FAM149A: variants seen among roughly 807,000 people sequenced by gnomAD.
FAM149A encodes family with sequence similarity 149 member A, also known as protein FAM149A.
FAM149A carries 71 observed loss-of-function variants against 78.2 expected under a neutral mutation model. That is an observed-to-expected ratio of 0.91 (90% CI 0.75 to 1.11). The LOEUF is 1.11. FAM149A is among the 50% of genes least tolerant of loss of function. FAM149A has a pLI of 0.00. For missense variants in FAM149A, 1,036 were observed against 971.0 expected (o/e 1.07, Z -0.89); for synonymous variants, 446 against 410.5 (o/e 1.09, Z -1.04).
At chr4:186,127,416 G>A in intron 1 of FAM149A, 2 of 985,408 alleles carry the variant, frequency 2.0e-6, no homozygotes, top group Non-Finnish European at 2.4e-6. Flanking sequence ...GCTTTGTGAT[G>A]ACTGCTTCTG....
chr4:186,140,078 C>A (rs974056228), intron 1 of FAM149A, among the ~76,000 whole-genome samples: 2 of 152,108 alleles, frequency 1.3e-5, no homozygotes, highest in Non-Finnish European at 2.9e-5. Context: ...CTCTAATTCA[C>A]ACAACTCTAC....
chr4:186,147,728 T>G (rs1170249040), intron 1 of FAM149A, among the ~76,000 whole-genome samples: 1 of 152,228 alleles, frequency 6.6e-6, no homozygotes, highest in Non-Finnish European at 1.5e-5. Flanking sequence ...TCATTAGTAT[T>G]TGTATGTTTA....
In FAM149A at chr4:186,172,735, G is replaced by A. The variant is rs556855375; in HGVS notation, c.*748G>A. ...GGGAGGGGAGCCTCCCACCCTCCACGTGCCATCAGGAGCTGGCCTTTGCCC... is the reference window on the plus strand; with the variant it reads ...GGGAGGGGAGCCTCCCACCCTCCACATGCCATCAGGAGCTGGCCTTTGCCC... On this transcript the variant is annotated 3_prime_UTR_variant, in exon 14 of 14. Transcript: ENST00000389354. 9.0e-6 allele frequency: 1 copy of A among 111,658 alleles called. No individual in the cohort carries two copies. The highest frequency in any genetic ancestry group is 2.8e-5 in the African/African-American group (1 of 35,618). 6.9% of individuals were successfully genotyped at this position (111,658 alleles called of 1,614,324 possible).
chr4:186,127,717 C>T, intron 1 of FAM149A: 2 of 915,302 alleles, frequency 2.2e-6, no homozygotes, highest in Non-Finnish European at 1.3e-6. Flanking sequence ...TAGAGTTATG[C>T]TCTTGTCACC....
intron 1 of FAM149A, among the ~76,000 whole-genome samples, chr4:186,128,983 G>T (rs779701106): frequency 5.9e-5 from 9 of 151,706 alleles, no homozygotes; most frequent in Non-Finnish European, 1.2e-4. Context: ...TTTTTGGTGT[G>T]TGTGTGTCCA....
chr4:186,104,754 CGGCGGGCGGCGGGCGTCTGG>C lies in FAM149A; in HGVS notation c.-310_-291del, dbSNP rs1374996512. ...GAACGTAGCAACCGCGGGCGGCGGGCGGCGGGCGGCGGGCGTCTGGGGCGGGCGGCGGCCGCGCTTCCCGG... is the reference window on the plus strand; with the variant it reads ...GAACGTAGCAACCGCGGGCGGCGGGCGGCGGGCGGCGGCCGCGCTTCCCGG... On this transcript the variant is annotated 5_prime_UTR_variant, in exon 1 of 14. Transcript: ENST00000389354. Among the ~76,000 whole-genome samples the C allele has an allele frequency of 9.7e-5, 10 of 103,422 alleles. No homozygotes were observed. Among genetic ancestry groups the C allele is most frequent in the South Asian group, 3.2e-4 (1 of 3,092 alleles). 67.8% of individuals were successfully genotyped at this position (103,422 alleles called of 152,430 possible).
At chr4:186,157,968 G>A (rs751638348) in intron 8 of FAM149A, 118 of 1,512,948 alleles carry the variant, frequency 7.8e-5, no homozygotes, top group Non-Finnish European at 1.0e-4. Flanking sequence ...AGGAGCCCAC[G>A]CAGGCGGCAC....
In FAM149A at chr4:186,153,654, A is replaced by G; in HGVS notation, c.942A>G (p.Gly314=). 1.2e-6 allele frequency: 2 copies of G among 1,614,040 alleles called. No homozygotes were observed. Among genetic ancestry groups the G allele is most frequent in the Non-Finnish European group, 1.7e-6 (2 of 1,179,902 alleles). Residue 314 remains glycine (G), a synonymous_variant, in exon 5 of 14, where the codon GGA becomes GGG. Coordinates refer to ENST00000389354, the MANE Select transcript of FAM149A (RefSeq NM_001367768.3). ...CTCTTTGACCTCGCAGAGTATTAGG[A>G]AGACAGCTGATCCTGCCCACTGACA...
chr4:186,143,403 CACAT>C (rs1233728954), intron 1 of FAM149A, among the ~76,000 whole-genome samples: 3 of 151,402 alleles, frequency 2.0e-5, no homozygotes, highest in African/African-American at 7.3e-5. Flanking sequence ...GATATGTATA[CACAT>C]ACACACACAT....
chr4:186,136,990 C>CTCTCTCTCTCTCTT (rs2099323455), intron 1 of FAM149A, among the ~76,000 whole-genome samples: 12 of 92,860 alleles, frequency 1.3e-4, no homozygotes, highest in African/African-American at 3.8e-4. Context: ...CTCTCTCTCT[C>CTCTCTCTCTCTCTT]TCTCTCTCTC....
chr4:186,155,610 A>C (rs1308168838), intron 6 of FAM149A, among the ~76,000 whole-genome samples: 1 of 152,206 alleles, frequency 6.6e-6, no homozygotes, highest in East Asian at 1.9e-4. Context: ...CAGTAGAAGC[A>C]GCTCTAAAAG....
At chr4:186,137,931 T>C (rs1313212608) in intron 1 of FAM149A, among the ~76,000 whole-genome samples, 2 of 152,078 alleles carry the variant, frequency 1.3e-5, no homozygotes, top group East Asian at 3.8e-4. Flanking sequence ...CTTTCCAAGA[T>C]TTTTATACTC....
At chr4:186,108,542 G>T (rs2150075628) in intron 1 of FAM149A, among the ~76,000 whole-genome samples, 1 of 150,676 alleles carries the variant, frequency 6.6e-6, no homozygotes, top group African/African-American at 2.4e-5. Flanking sequence ...TTTAATCTCT[G>T]ACCCAAGAAT....
At chr4:186,127,849 C>T (rs1246633345) in intron 1 of FAM149A, 1 of 177,096 alleles carries the variant, frequency 5.6e-6, no homozygotes, top group Non-Finnish European at 1.0e-5. Context: ...CCATTCCCAG[C>T]TAATTTTTTT....
chr4:186,150,574 C>T (rs1416278690), intron 3 of FAM149A, among the ~76,000 whole-genome samples: 1 of 51,274 alleles, frequency 2.0e-5, no homozygotes, highest in Non-Finnish European at 5.2e-5. Context: ...CGCCCACCAC[C>T]ACGCCCGGCT....
chr4:186,137,251 CTT>C (rs11321331), intron 1 of FAM149A, among the ~76,000 whole-genome samples: 15 of 148,384 alleles, frequency 1.0e-4, no homozygotes, highest in Middle Eastern at 3.5e-3. Flanking sequence ...TGCTGACCCT[CTT>C]TTTTTTTTTT....
chr4:186,143,377 C>A (rs1732685531), intron 1 of FAM149A, among the ~76,000 whole-genome samples: 1 of 141,882 alleles, frequency 7.0e-6, no homozygotes, highest in Non-Finnish European at 1.5e-5. Context: ...CTTAAGATAC[C>A]ATAGTTTTCC....
chr4:186,127,715 T>C, intron 1 of FAM149A: 1 of 898,792 alleles, frequency 1.1e-6, no homozygotes. Context: ...GATAGAGTTA[T>C]GCTCTTGTCA....
chr4:186,151,045 C>A, intron 3 of FAM149A: 1 of 985,360 alleles, frequency 1.0e-6, no homozygotes, highest in Non-Finnish European at 1.2e-6. Context: ...TCCCACTGCA[C>A]ATGGGAATCC....
Sources: gnomAD v4.1 joint callset for allele counts (sites outside exome capture counted in the v4.1 genomes callset) on GRCh38, gnomAD v4.1.1 for gene constraint, MANE v1.5 for transcripts, NCBI Gene and HGNC (gene_info 2026-07-23, HGNC 2026-07-21) for gene names.